QRICH2: variants seen among roughly 807,000 people sequenced by gnomAD.
QRICH2 encodes the protein glutamine rich 2, also known as glutamine-rich protein 2.
QRICH2 carries 119 observed loss-of-function variants against 168.3 expected under a neutral mutation model. The ratio of observed to expected loss-of-function variants is 0.71; its 90% CI spans 0.61 to 0.82. QRICH2 has a LOEUF of 0.82. QRICH2 is among the 40% of genes least tolerant of loss of function. The pLI, the probability that QRICH2 is intolerant of heterozygous loss-of-function variation, is 0.00. For synonymous variants in QRICH2, 894 were observed against 951.2 expected, an observed-to-expected ratio of 0.94 and a Z score of 1.11; for missense variants, 2,241 against 2,491.6, an observed-to-expected ratio of 0.90 and a Z score of 2.14.
At chr17:76,296,938 C>T (rs1399539138) in intron 3 of QRICH2, among the ~76,000 whole-genome samples, 1 of 152,170 alleles carries the variant, frequency 6.6e-6, no homozygotes, top group Non-Finnish European at 1.5e-5. Flanking sequence ...GAACCACCTG[C>T]AGGGCTTGAA....
chr17:76,285,850 C>T (rs535411439), intron 7 of QRICH2, among the ~76,000 whole-genome samples: 25 of 150,906 alleles, frequency 1.7e-4, no homozygotes, highest in Non-Finnish European at 2.8e-4. Flanking sequence ...ACTCCATCTC[C>T]AAAAACAAAA....
In QRICH2 at chr17:76,308,030, G is replaced by A; in HGVS notation, c.-32C>T. On this transcript the variant is annotated 5_prime_UTR_variant, in exon 1 of 19. Coordinates refer to ENST00000680821, the MANE Select transcript of QRICH2 (RefSeq NM_001388453.1). ...TGTCAGGAGCTGTGCGCCGCCGCGG[G>A]GCGCCGGCCAACCACTTCCCGCTCA... The A allele has an allele frequency of 1.6e-6, 2 of 1,231,644 alleles. No individual in the cohort carries two copies. Among genetic ancestry groups the A allele is most frequent in the Non-Finnish European group, 2.0e-6 (2 of 987,638 alleles). The allele number at this position is 1,231,644 out of a possible 1,614,324, so 76.3% of individuals were successfully genotyped here. A position where few individuals can be genotyped will look rare whatever the true frequency, so the allele number is the denominator to read the frequency against.
At chr17:76,289,285 C>G (rs1047006410) in intron 5 of QRICH2, among the ~76,000 whole-genome samples, 2 of 152,062 alleles carry the variant, frequency 1.3e-5, no homozygotes, top group Non-Finnish European at 2.9e-5. Flanking sequence ...AACTCAGGCT[C>G]AAGTGATCCT....
In QRICH2 at chr17:76,293,252, T is replaced by C. The variant is rs1330819558; in HGVS notation, c.1475A>G (p.Gln492Arg). Residue 492 changes from glutamine to arginine, a missense_variant, in exon 4 of 19, where the codon CAG becomes CGG. Gln to Arg is a conservative substitution (Grantham distance 43). Coordinates refer to ENST00000680821, the MANE Select transcript of QRICH2 (RefSeq NM_001388453.1). The stretch of plus-strand genomic sequence containing the variant: ...CATGCCTGATATTACACATCCACGC[T>C]GATCCATGCCAAGTGGTTCCATACT... ...QRSMEPLGMD[Q>R]RGCVISGMGQ... 3 of 1,613,958 alleles carry C rather than the reference T, an allele frequency of 1.9e-6. No homozygotes were observed. Among genetic ancestry groups the C allele is most frequent in the East Asian group, 4.5e-5 (2 of 44,902 alleles).
rs754797885 is a variant in QRICH2 at position 76,287,809 on chromosome 17, C to A, written c.3887G>T (p.Gly1296Val). ...LKAGELRLQL[G>V]VLRVTVADIE... is the part of the protein sequence containing the mutation. ...AGCTGGGGCATTTTACCTGAGGACA[C>A]CCAGCTGCAATCTCAGCTCTCCAGC... The change falls in exon 6 of 19, where the codon GGT (glycine) becomes GTT (valine). Residue 1296 changes from glycine to valine, a missense_variant. By Grantham distance (109) the Gly-to-Val change is moderately radical. Transcript: ENST00000680821. The A allele has an allele frequency of 5.6e-6, 9 of 1,612,670 alleles. No homozygotes were observed. The highest frequency in any genetic ancestry group is 4.0e-5 in the African/African-American group (3 of 74,880).
At chr17:76,275,567 C>A (rs1361145004) in intron 18 of QRICH2, among the ~76,000 whole-genome samples, 1 of 152,236 alleles carries the variant, frequency 6.6e-6, no homozygotes, top group Non-Finnish European at 1.5e-5. Context: ...GGACCTGGAG[C>A]CAGAGATGTG....
At position 76,292,966 on chromosome 17, in the gene QRICH2, C is replaced by A. The variant is rs753076907; in HGVS notation, c.1761G>T (p.Gln587His). Residue 587 changes from glutamine (Q) to histidine (H), a missense_variant, in exon 4 of 19, where the codon CAG becomes CAT. Transcript: ENST00000680821. ...CTGCACCAGGTTGGACCAAGCCAGGCTGATATGCACCACGCTGCACCAAAG... is the reference window on the plus strand; with the variant it reads ...CTGCACCAGGTTGGACCAAGCCAGGATGATATGCACCACGCTGCACCAAAG... ...QRALVQRGAY[Q>H]PGLVQPGADQ... is the part of the protein sequence containing the mutation. 55 of 1,614,204 alleles carry A rather than the reference C, an allele frequency of 3.4e-5. No individual in the cohort carries two copies. Among genetic ancestry groups the A allele is most frequent in the Non-Finnish European group, 4.7e-5 (55 of 1,180,050 alleles).
chr17:76,293,841 C>T lies in QRICH2; in HGVS notation c.886G>A (p.Asp296Asn), dbSNP rs2071060240. The change falls in exon 4 of 19, where the codon GAT (aspartate) becomes AAT (asparagine). Residue 296 changes from aspartate (D) to asparagine (N), a missense_variant. Physicochemically the swap from Asp to Asn is conservative, Grantham distance 23 (BLOSUM62 1). Around this residue, in one of 3 missense-constraint regions of QRICH2, gnomAD observed 2,047 missense variants for 2,303.8 expected, o/e 0.89. Transcript: ENST00000680821. ...CTTTGTTCCCTACTGGAAACCCCAT[C>T]AGAGGGGTGTGCTGTGCCACCAGAT... ...SGSGGTAHPS[D>N]GVSSREQSKV... 6.2e-7 allele frequency: 1 copy of T among 1,613,952 alleles called. No individual in the cohort carries two copies. Among genetic ancestry groups the T allele is most frequent in the Admixed American group, 1.7e-5 (1 of 59,988 alleles).
At chr17:76,289,103 CAAAAAAA>C (rs541768411) in intron 5 of QRICH2, among the ~76,000 whole-genome samples, 1 of 81,536 alleles carries the variant, frequency 1.2e-5, no homozygotes, top group Non-Finnish European at 2.6e-5. Flanking sequence ...GACTGTGTCT[CAAAAAAA>C]AAAAAAAAGA....
At chr17:76,288,842 C>T (rs1025881177) in intron 5 of QRICH2, among the ~76,000 whole-genome samples, 5 of 152,140 alleles carry the variant, frequency 3.3e-5, no homozygotes, top group Non-Finnish European at 5.9e-5. Context: ...TGGTGGCTCA[C>T]GCCTGTAATC....
At chr17:76,276,027 GC>G (rs1293305323) in intron 17 of QRICH2, 80 bp from the exon 18 acceptor site, 8 of 1,534,800 alleles carry the variant, frequency 5.2e-6, no homozygotes, top group Admixed American at 3.5e-5. Context: ...TGGGGAGAGG[GC>G]CGCAGGGCTG....
At position 76,293,164 on chromosome 17, in the gene QRICH2, A is replaced by G. The variant is rs1457030086; in HGVS notation, c.1563T>C (p.Asp521=). The G allele has an allele frequency of 8.7e-6, 14 of 1,614,118 alleles. No homozygotes were observed. The part of the protein sequence containing the change: ...DQQGLTLPVV[D]QHGLVLPFTD... ...TAAAAGGTAGAACCAGGCCATGTTGATCGACGACAGGCAATGTCAATCCTT... is the reference window on the plus strand; with the variant it reads ...TAAAAGGTAGAACCAGGCCATGTTGGTCGACGACAGGCAATGTCAATCCTT... The change falls in exon 4 of 19, where the codon GAT becomes GAC. Residue 521 remains aspartate, a synonymous_variant. Coordinates refer to ENST00000680821, the MANE Select transcript of QRICH2 (RefSeq NM_001388453.1).
intron 16 of QRICH2, 122 bp from the exon 17 acceptor site, chr17:76,276,889 C>A (rs900267957): frequency 3.7e-6 from 3 of 809,716 alleles, no homozygotes; most frequent in African/African-American, 3.5e-5. Flanking sequence ...CTCTGGGAGG[C>A]ACTAGGGTGG....
chr17:76,305,750 A>C (rs1352326063), intron 1 of QRICH2, among the ~76,000 whole-genome samples: 1 of 152,226 alleles, frequency 6.6e-6, no homozygotes, highest in African/African-American at 2.4e-5. Context: ...AAAGAACCAA[A>C]GCAAATCGCT....
rs568912118 is a variant in QRICH2, at chr17:76,287,702, C to A, written c.3896+98G>T. ...CACAATCCAGGTCAAAGACAGTGGT[C>A]CATTCAGGGGCATAAGGGAGCCACT... On this transcript the variant is annotated intron_variant, in intron 6 of 18. Coordinates refer to ENST00000680821, the MANE Select transcript of QRICH2 (RefSeq NM_001388453.1). The A allele has an allele frequency of 2.3e-4, 197 of 841,084 alleles. 1 individual carries two copies. The African/African-American group carries it at 2.6e-3, about 11-fold the overall frequency. 52.1% of individuals were successfully genotyped at this position (841,084 alleles called of 1,614,324 possible).
Position 76,307,581 on chromosome 17 carries a change from G to A in QRICH2, c.418C>T (p.Leu140Phe), listed in dbSNP as rs1363199106. 6.4e-7 allele frequency: 1 copy of A among 1,564,884 alleles called. No homozygotes were observed. Among genetic ancestry groups the A allele is most frequent in the Admixed American group, 1.9e-5 (1 of 53,236 alleles). ...GGCCACTCTAGCGCGGCCAGGTCAA[G>A]CCCGCTGGCCTGGGAGAAGTGCTGC... ...HVQHFSQASG[L>F]DLAALEWPEE... The change falls in exon 1 of 19, where the codon CTT (leucine) becomes TTT (phenylalanine). Residue 140 changes from leucine (L) to phenylalanine (F), a missense_variant. Physicochemically the swap from Leu to Phe is conservative, Grantham distance 22 (BLOSUM62 0). Around this residue, in one of 3 missense-constraint regions of QRICH2, gnomAD observed 2,047 missense variants for 2,303.8 expected, o/e 0.89. Coordinates refer to ENST00000680821, the MANE Select transcript of QRICH2 (RefSeq NM_001388453.1). This position sits in a 1 kb window ranked among gnomAD's most constrained non-coding sequence, Gnocchi z 5.3.
Position 76,292,036 on chromosome 17 carries a change from A to G in QRICH2, c.2691T>C (p.Asp897=), listed in dbSNP as rs1404274395. ...DQRGLIQPGA[D]QPGLVQPGAG... ...CACCAGGCTGGACCAAACCAGGCTG[A>G]TCTGCACCAGGTTGGATCAAACCAC... The change falls in exon 4 of 19, where the codon GAT becomes GAC. Residue 897 remains aspartate, a synonymous_variant. Coordinates refer to ENST00000680821, the MANE Select transcript of QRICH2 (RefSeq NM_001388453.1). The G allele has an allele frequency of 6.2e-7, 1 of 1,614,138 alleles. No homozygotes were observed. Among genetic ancestry groups the G allele is most frequent in the Non-Finnish European group, 8.5e-7 (1 of 1,180,056 alleles).
intron 15 of QRICH2, among the ~76,000 whole-genome samples, chr17:76,277,729 C>T (rs563332911): frequency 8.5e-4 from 129 of 151,998 alleles, no homozygotes; most frequent in Non-Finnish European, 1.6e-3. Flanking sequence ...CCCACACTCA[C>T]GCACTCACTC....
In QRICH2 at chr17:76,307,475, C is replaced by G. The variant is rs1206801077; in HGVS notation, c.524G>C (p.Ser175Thr). ...SIMKDAAEEL[S>T]FARVLLQRVD... ...CGTGTGCGTGCTCACCCTGGCAAAG[C>G]TGAGCTCCTCGGCGGCGTCCTTCAT... Residue 175 changes from serine to threonine, a missense_variant, in exon 1 of 19, where the codon AGC (serine) becomes ACC (threonine). By Grantham distance (58) the Ser-to-Thr change is moderately conservative (BLOSUM62 1). Around this residue, in one of 3 missense-constraint regions of QRICH2, gnomAD observed 2,047 missense variants for 2,303.8 expected, o/e 0.89. Coordinates refer to ENST00000680821, the MANE Select transcript of QRICH2 (RefSeq NM_001388453.1). This position sits in a 1 kb window ranked among gnomAD's most constrained non-coding sequence, Gnocchi z 5.3. 1 of 1,613,680 alleles carries G rather than the reference C, an allele frequency of 6.2e-7. No individual in the cohort carries two copies. Among genetic ancestry groups the G allele is most frequent in the African/African-American group, 1.3e-5 (1 of 74,932 alleles).
Sources: allele counts gnomAD v4.1 joint callset (sites outside exome capture counted in the v4.1 genomes callset), GRCh38; gene constraint gnomAD v4.1.1; regional missense constraint gnomAD v4.1.1; non-coding constraint Gnocchi (gnomAD v3.1); transcripts MANE v1.5; gene names NCBI Gene and HGNC (gene_info 2026-07-23, HGNC 2026-07-21).